The following DSN1 variants were observed in gnomAD, a reference collection of about 807,000 sequenced individuals.
The protein encoded by DSN1 is kinetochore-associated protein DSN1 homolog.
In DSN1, 31 loss-of-function variants were observed where a neutral mutation model predicts 45.7. The ratio of observed to expected loss-of-function variants is 0.68; its 90% confidence interval spans 0.51 to 0.92. The LOEUF is 0.92. Among genes scored for constraint, DSN1 ranks in the 40% least tolerant of loss-of-function variants. The pLI is 0.00. For synonymous variants in DSN1, 134 were observed against 142.3 expected, an observed-to-expected ratio of 0.94 and a Z score of 0.41; for missense variants, 394 against 414.2, an observed-to-expected ratio of 0.95 and a Z score of 0.42.
At position 36,752,686 on chromosome 20, in the gene DSN1, ATCTTC is replaced by A; in HGVS notation, c.*97_*101del. ...TGTTCTACAGTCAGTCCTGCCAGTT[ATCTTC>A]AAAGGCAACGAGCAGAAATCACGCA... On this transcript the variant is annotated 3_prime_UTR_variant, in exon 11 of 11. Coordinates refer to ENST00000373750, the MANE Select transcript of DSN1 (RefSeq NM_001145315.2). 1 of 911,326 alleles carries A rather than the reference ATCTTC, an allele frequency of 1.1e-6. No individual in the cohort carries two copies. The highest frequency in any genetic ancestry group is 1.8e-6 in the Non-Finnish European group (1 of 562,598). The allele number at this position is 911,326 out of a possible 1,614,324, so 56.5% of individuals were successfully genotyped here. A position where few individuals can be genotyped will look rare whatever the true frequency, so the allele number is the denominator to read the frequency against.
At chr20:36,761,407 A>G (rs375640370) in intron 6 of DSN1, among the ~76,000 whole-genome samples, 1 of 152,172 alleles carries the variant, frequency 6.6e-6, no homozygotes, top group South Asian at 2.1e-4. Flanking sequence ...ACTTGTCATT[A>G]TATCACCAGC....
chr20:36,758,595 C>G lies in DSN1; in HGVS notation c.613G>C (p.Glu205Gln), dbSNP rs1170551885. Residue 205 changes from glutamate to glutamine, a missense_variant, in exon 7 of 11, where the codon GAA becomes CAA. Coordinates refer to ENST00000373750, the MANE Select transcript of DSN1 (RefSeq NM_001145315.2). ...TCCTTCATCTCAGCCACAGATGCTTCCAAAGAAAAATCTGATGCTTTTCTG... is the reference window on the plus strand; with the variant it reads ...TCCTTCATCTCAGCCACAGATGCTTGCAAAGAAAAATCTGATGCTTTTCTG... The part of the protein sequence containing the change: ...SNGKASDFSL[E>Q]ASVAEMKEYI... 6.2e-7 allele frequency: 1 copy of G among 1,611,274 alleles called. No individual in the cohort carries two copies. The highest frequency in any genetic ancestry group is 8.5e-7 in the Non-Finnish European group (1 of 1,179,386).
chr20:36,767,922 T>G (rs775718232), intron 4 of DSN1, 47 bp downstream of exon 4: 1 of 1,570,602 alleles, frequency 6.4e-7, no homozygotes, highest in Non-Finnish European at 8.8e-7. Context: ...ATTGTCACAA[T>G]AGCAGTTAAC....
rs143487577 is a variant in DSN1 at position 36,773,741 on chromosome 20, C to G, written c.-95G>C. The G allele has an allele frequency of 8.0e-3, 7,932 of 985,580 alleles. 49 individuals are homozygous for G. The highest frequency in any genetic ancestry group is 8.3e-3 in the Non-Finnish European group (6,866 of 830,016). 61.1% of individuals were successfully genotyped at this position (985,580 alleles called of 1,614,324 possible). ...CTTGCGCACCCGCAGCCGATACTCC[C>G]TGATCAGGGTGAAGCGGTCTCCACC... On this transcript the variant is annotated 5_prime_UTR_variant, in exon 1 of 11. Transcript: ENST00000373750.
At chr20:36,757,906 TC>T (rs1300226418) in intron 8 of DSN1, among the ~76,000 whole-genome samples, 180 bp downstream of exon 8, 1 of 152,230 alleles carries the variant, frequency 6.6e-6, no homozygotes, top group East Asian at 1.9e-4. Flanking sequence ...CACCAACTCT[TC>T]CTTCCTCTCA....
intron 1 of DSN1, among the ~76,000 whole-genome samples, chr20:36,772,291 G>GT (rs778424047): frequency 1.5e-3 from 5 of 3,426 alleles, no homozygotes; most frequent in Non-Finnish European, 2.2e-3. Flanking sequence ...TCTATTCTTT[G>GT]TTTTTGTTTT....
rs935930772 is a variant in DSN1 at position 36,755,947 on chromosome 20, C to T, written c.726-118G>A. On this transcript the variant is annotated intron_variant, in intron 8 of 10. Transcript: ENST00000373750. ...CTCCACTCTACGCTAGCTATAGGCT[C>T]ACTTCTTAACAGAAAGGTTTTTTTT... The T allele has an allele frequency of 5.2e-6, 6 of 1,154,816 alleles. No homozygotes were observed. The South Asian group carries it at 8.5e-5, about 16-fold the overall frequency. 71.5% of individuals were successfully genotyped at this position (1,154,816 alleles called of 1,614,324 possible). A position where few individuals can be genotyped will look rare whatever the true frequency, so the allele number is the denominator to read the frequency against.
At position 36,763,645 on chromosome 20, in the gene DSN1, T is replaced by A. The variant is rs187571637; in HGVS notation, c.503-1097A>T. On this transcript the variant is annotated intron_variant, in intron 5 of 10. Transcript: ENST00000373750. ...GGCTCATGCCTATAATCCCAGCACTTTGGGAGGCCAAGGCGGGCAGATCAC... is the reference window on the plus strand; with the variant it reads ...GGCTCATGCCTATAATCCCAGCACTATGGGAGGCCAAGGCGGGCAGATCAC... Among the ~76,000 whole-genome samples the A allele has an allele frequency of 7.1e-4, 108 of 151,080 alleles. 3 individuals carry two copies. The East Asian group carries it at 0.02, about 28-fold the overall frequency.
intron 6 of DSN1, among the ~76,000 whole-genome samples, chr20:36,760,336 GCTCT>G (rs905847783): frequency 1.3e-5 from 2 of 152,148 alleles, no homozygotes; most frequent in African/African-American, 4.8e-5. Context: ...GGCACTTAAG[GCTCT>G]CTGTGTTCTG....
At chr20:36,756,841 T>A (rs1986701997) in intron 8 of DSN1, among the ~76,000 whole-genome samples, 2 of 152,168 alleles carry the variant, frequency 1.3e-5, no homozygotes, top group Non-Finnish European at 2.9e-5. Flanking sequence ...ACATTATCTA[T>A]CTTCATAAAT....
At chr20:36,763,210 C>A (rs1025527800) in intron 5 of DSN1, among the ~76,000 whole-genome samples, 1 of 151,598 alleles carries the variant, frequency 6.6e-6, no homozygotes, top group Non-Finnish European at 1.5e-5. Flanking sequence ...TTGAGACCAG[C>A]CAGGCCAACA....
At position 36,752,679 on chromosome 20, in the gene DSN1, G is replaced by C. The variant is rs974493791; in HGVS notation, c.*109C>G. ...GTCAAAGTGTTCTACAGTCAGTCCTGCCAGTTATCTTCAAAGGCAACGAGC... is the reference window on the plus strand; with the variant it reads ...GTCAAAGTGTTCTACAGTCAGTCCTCCCAGTTATCTTCAAAGGCAACGAGC... On this transcript the variant is annotated 3_prime_UTR_variant, in exon 11 of 11. Coordinates refer to ENST00000373750, the MANE Select transcript of DSN1 (RefSeq NM_001145315.2). 2.5e-5 allele frequency: 21 copies of C among 853,172 alleles called. No individual in the cohort carries two copies. The highest frequency in any genetic ancestry group is 4.1e-5 in the Non-Finnish European group (21 of 513,068). The allele number at this position is 853,172 out of a possible 1,614,324, so 52.9% of individuals were successfully genotyped here. A position where few individuals can be genotyped will look rare whatever the true frequency, so the allele number is the denominator to read the frequency against.
rs1039482295 is a variant in DSN1 at position 36,759,702 on chromosome 20, T to C, written c.591-1085A>G. On this transcript the variant is annotated intron_variant, in intron 6 of 10. Coordinates refer to ENST00000373750, the MANE Select transcript of DSN1 (RefSeq NM_001145315.2). ...GTTTCACTGTGTTAGCCAGGATGGT[T>C]TCGATCTCCTGACCTCGTGATCCGC... Among the ~76,000 whole-genome samples the C allele has an allele frequency of 1.9e-4, 29 of 151,110 alleles. No homozygotes were observed. The East Asian group carries it at 5.4e-3, about 28-fold the overall frequency.
intron 6 of DSN1, 150 bp downstream of exon 6, chr20:36,762,311 C>T (rs752881216): frequency 1.5e-4 from 73 of 493,316 alleles, no homozygotes; most frequent in Non-Finnish European, 2.1e-4. Flanking sequence ...GGGGTTTCAC[C>T]GTGTTAGCCA....
intron 2 of DSN1, 30 bp from the exon 3 acceptor site, chr20:36,771,223 C>T (rs747679347): frequency 6.5e-7 from 1 of 1,538,672 alleles, no homozygotes; most frequent in African/African-American, 1.4e-5. Flanking sequence ...AGTCAAAATA[C>T]AAGATCAAGC....
chr20:36,762,636 C>G, intron 5 of DSN1, 88 bp from the exon 6 acceptor site: 1 of 1,207,580 alleles, frequency 8.3e-7, no homozygotes, highest in Non-Finnish European at 1.2e-6. Flanking sequence ...AAGGTAGTCT[C>G]AGCTCTAGGT....
Position 36,767,393 on chromosome 20 carries a change from A to C in DSN1, c.430-552T>G, listed in dbSNP as rs543512083. Among the ~76,000 whole-genome samples the C allele has an allele frequency of 6.0e-3, 915 of 152,328 alleles. 7 individuals are homozygous for C. Among genetic ancestry groups the C allele is most frequent in the Non-Finnish European group, 0.01 (683 of 68,020 alleles). ...TTTTGACTTTCGGTTCAGGAAAAAA[A>C]AAAGGTTATTTAATTCACACAAATT... On this transcript the variant is annotated intron_variant, in intron 4 of 10. Coordinates refer to ENST00000373750, the MANE Select transcript of DSN1 (RefSeq NM_001145315.2).
At chr20:36,772,155 C>T (rs1197563729) in intron 1 of DSN1, among the ~76,000 whole-genome samples, 1 of 152,070 alleles carries the variant, frequency 6.6e-6, no homozygotes, top group African/African-American at 2.4e-5. Context: ...TCTGGGATTA[C>T]AGGCGTGAGC....
At chr20:36,763,756 G>A (rs550777811) in intron 5 of DSN1, among the ~76,000 whole-genome samples, 6 of 151,274 alleles carry the variant, frequency 4.0e-5, no homozygotes, top group African/African-American at 9.7e-5. Context: ...GCGTGGTTGC[G>A]CATGCCTGTT....
Sources: allele counts gnomAD v4.1 joint callset (sites outside exome capture counted in the v4.1 genomes callset), GRCh38; gene constraint gnomAD v4.1.1; transcripts MANE v1.5; gene names NCBI Gene and HGNC (gene_info 2026-07-23, HGNC 2026-07-21).